The following NKAIN3 variants were observed in gnomAD, a reference collection of about 807,000 sequenced individuals.
NKAIN3 encodes the protein sodium/potassium-transporting ATPase subunit beta-1-interacting protein 3.
A neutral mutation model predicts 30.2 loss-of-function variants in NKAIN3; 25 were observed. The observed-to-expected ratio is 0.83, with a 90% CI of 0.60 to 1.16. NKAIN3 has a LOEUF of 1.16. Ranked by LOEUF, NKAIN3 falls within the 50% of genes most tolerant of loss-of-function variation. NKAIN3 has a pLI of 0.00. For missense variants in NKAIN3, 225 were observed against 254.1 expected, an observed-to-expected ratio of 0.89 and a Z score of 0.78; for synonymous variants, 91 against 89.6, an observed-to-expected ratio of 1.02 and a Z score of -0.09.
rs35791396 is a variant in NKAIN3 at position 62,589,875 on chromosome 8, T to TTGTGTGTG, written c.273+115_273+122dup. On this transcript the variant is annotated intron_variant, in intron 3 of 6. Coordinates refer to ENST00000623646, the MANE Select transcript of NKAIN3 (RefSeq NM_001304533.3). ...GTGACTACATACATATATAGGTATA[T>TTGTGTGTG]TGTGTGTGTGTGTGTGTGTGTGTGT... 3,732 of 429,502 alleles carry TTGTGTGTG rather than the reference T, an allele frequency of 8.7e-3. 34 individuals carry two copies. The highest frequency in any genetic ancestry group is 0.034 in the East Asian group (883 of 26,098). The allele number at this position is 429,502 out of a possible 1,614,324, so 26.6% of individuals were successfully genotyped here.
intron 4 of NKAIN3, among the ~76,000 whole-genome samples, chr8:62,767,489 C>T (rs1816878622): frequency 6.6e-6 from 1 of 152,150 alleles, no homozygotes. Context: ...TCCAGTTATG[C>T]TCAACCCAGC....
intron 1 of NKAIN3, among the ~76,000 whole-genome samples, chr8:62,504,914 G>T (rs1807582156): frequency 6.6e-6 from 1 of 152,110 alleles, no homozygotes; most frequent in African/African-American, 2.4e-5. Context: ...AGTTTTGAAT[G>T]CTCTTCTTCC....
chr8:62,924,199 C>T (rs1822369732), intron 5 of NKAIN3, among the ~76,000 whole-genome samples: 1 of 152,152 alleles, frequency 6.6e-6, no homozygotes, highest in South Asian at 2.1e-4. Context: ...GGCCTCCTCC[C>T]TCTGTTGACC....
rs567563988 is a variant in NKAIN3 at position 62,918,569 on chromosome 8, A to C, written c.532+56A>C. Reference sequence around the variant, plus strand: ...TCCTTTTGAATGAGATACAGCTTCCAAAACTAATCATTACAGGGCTATGAA... The same window carrying C: ...TCCTTTTGAATGAGATACAGCTTCCCAAACTAATCATTACAGGGCTATGAA... On this transcript the variant is annotated intron_variant, in intron 5 of 6. Transcript: ENST00000623646. The C allele has an allele frequency of 4.8e-5, 54 of 1,130,778 alleles. No individual in the cohort carries two copies. In the East Asian group the frequency reaches 1.2e-3, roughly 25 times the overall value. The allele number at this position is 1,130,778 out of a possible 1,614,324, so 70.0% of individuals were successfully genotyped here. A position where few individuals can be genotyped will look rare whatever the true frequency, so the allele number is the denominator to read the frequency against.
At chr8:62,287,223 T>C (rs1359212503) in intron 1 of NKAIN3, among the ~76,000 whole-genome samples, 1 of 151,758 alleles carries the variant, frequency 6.6e-6, no homozygotes, top group African/African-American at 2.4e-5. Flanking sequence ...TGGTTCTGAT[T>C]TTTAGAAGGT....
intron 4 of NKAIN3, among the ~76,000 whole-genome samples, chr8:62,750,068 C>T (rs1461408313): frequency 6.6e-6 from 1 of 151,926 alleles, no homozygotes; most frequent in Non-Finnish European, 1.5e-5. Context: ...TACTGAAAAA[C>T]AGGGGTGATG....
chr8:62,695,284 A>G (rs886547889), intron 3 of NKAIN3, among the ~76,000 whole-genome samples: 8 of 152,220 alleles, frequency 5.3e-5, no homozygotes, highest in African/African-American at 1.9e-4. Flanking sequence ...AACACAGTAC[A>G]TGACATCAGG....
chr8:62,741,644 T>G (rs1815896162), intron 3 of NKAIN3, among the ~76,000 whole-genome samples: 1 of 152,224 alleles, frequency 6.6e-6, no homozygotes. Flanking sequence ...GCCCCCTTGC[T>G]TTGTTACATT....
intron 3 of NKAIN3, among the ~76,000 whole-genome samples, chr8:62,635,119 A>T (rs376251478): frequency 6.2e-4 from 94 of 152,232 alleles, no homozygotes; most frequent in East Asian, 4.1e-3. Flanking sequence ...TAGGCACTGG[A>T]GGGACTGTGA....
intron 3 of NKAIN3, among the ~76,000 whole-genome samples, chr8:62,743,227 A>G (rs1815964042): frequency 6.6e-6 from 1 of 151,950 alleles, no homozygotes; most frequent in Non-Finnish European, 1.5e-5. Flanking sequence ...ATAAAATGTT[A>G]TTTTCTGTGT....
chr8:62,592,085 T>G (rs1408630311), intron 3 of NKAIN3, among the ~76,000 whole-genome samples: 1 of 152,084 alleles, frequency 6.6e-6, no homozygotes, highest in African/African-American at 2.4e-5. Flanking sequence ...ATAGTGAATC[T>G]TTCTTTAAAA....
intron 1 of NKAIN3, among the ~76,000 whole-genome samples, chr8:62,296,966 T>A (rs2129587593): frequency 6.6e-6 from 1 of 152,304 alleles, no homozygotes; most frequent in Middle Eastern, 3.4e-3. Context: ...TTCTTTCTCA[T>A]TGTTCTTTCC....
intron 1 of NKAIN3, among the ~76,000 whole-genome samples, chr8:62,258,233 G>T (rs1296495646): frequency 6.6e-6 from 1 of 152,088 alleles, no homozygotes; most frequent in Non-Finnish European, 1.5e-5. Context: ...AACATTGCAT[G>T]GTTTCTTTGC....
intron 4 of NKAIN3, among the ~76,000 whole-genome samples, chr8:62,878,415 A>T (rs1277631036): frequency 6.6e-6 from 1 of 152,150 alleles, no homozygotes; most frequent in Non-Finnish European, 1.5e-5. Context: ...TGGCAAACAC[A>T]TTAATCACTG....
rs537582342 is a variant in NKAIN3, at chr8:62,824,031, C to T, written c.471+76902C>T. Among the ~76,000 whole-genome samples, 4 of 152,260 alleles carry T rather than the reference C, an allele frequency of 2.6e-5. No individual in the cohort carries two copies. In the South Asian group the frequency reaches 8.3e-4, roughly 32 times the overall value. On this transcript the variant is annotated intron_variant, in intron 4 of 6. Transcript: ENST00000623646. ...GAACTGAACTGCTATGCAATCTTAA[C>T]AAAGACATCAGGCAATTCCATGGGA...
intron 4 of NKAIN3, among the ~76,000 whole-genome samples, chr8:62,833,355 G>C (rs1819256314): frequency 6.6e-6 from 1 of 151,768 alleles, no homozygotes; most frequent in Non-Finnish European, 1.5e-5. Flanking sequence ...AAATTAAGAT[G>C]TACAAATCCA....
chr8:62,637,476 CA>C (rs1290757129), intron 3 of NKAIN3, among the ~76,000 whole-genome samples: 6 of 152,094 alleles, frequency 3.9e-5, no homozygotes, highest in Non-Finnish European at 5.9e-5. Flanking sequence ...GTGTCTTACA[CA>C]GAAAAAAATA....
intron 1 of NKAIN3, among the ~76,000 whole-genome samples, chr8:62,553,909 A>C (rs143834409): frequency 2.8e-4 from 43 of 152,274 alleles, no homozygotes; most frequent in Non-Finnish European, 5.9e-4. Flanking sequence ...TTTAATCACT[A>C]TTATAGGAGA....
At chr8:62,256,989 T>C (rs1258191622) in intron 1 of NKAIN3, among the ~76,000 whole-genome samples, 1 of 152,206 alleles carries the variant, frequency 6.6e-6, no homozygotes, top group African/African-American at 2.4e-5. Flanking sequence ...CAAATAATAA[T>C]AGTATATACT....
Sources: allele counts gnomAD v4.1 joint callset (sites outside exome capture counted in the v4.1 genomes callset), GRCh38; gene constraint gnomAD v4.1.1; transcripts MANE v1.5; gene names NCBI Gene and HGNC (gene_info 2026-07-23, HGNC 2026-07-21).